Variants in SLC30A10 observed in about 807,000 individuals in gnomAD.
SLC30A10 encodes the protein solute carrier family 30 member 10.
A neutral mutation model predicts 21.7 loss-of-function variants in SLC30A10; 8 were observed. That is an observed-to-expected ratio of 0.37 (90% CI 0.22 to 0.67). SLC30A10 has a LOEUF of 0.67. Among genes scored for constraint, SLC30A10 ranks in the 30% least tolerant of loss-of-function variants. SLC30A10 has a pLI of 0.58. For missense variants in SLC30A10, 521 were observed against 642.5 expected (o/e 0.81, Z 2.04); for synonymous variants, 272 against 279.4 (o/e 0.97, Z 0.26).
intron 1 of SLC30A10, among the ~76,000 whole-genome samples, chr1:219,947,183 T>C (rs181262032): frequency 1.1e-3 from 168 of 152,340 alleles, no homozygotes; most frequent in African/African-American, 3.7e-3. Context: ...AGCTGATACA[T>C]TTTTAAAGAT....
intron 1 of SLC30A10, among the ~76,000 whole-genome samples, chr1:219,954,693 A>C (rs142851591): frequency 6.7e-6 from 1 of 148,654 alleles, no homozygotes; most frequent in Non-Finnish European, 1.5e-5. Flanking sequence ...AAAAAAAAAA[A>C]AAAAAAAAAA....
Position 219,941,603 on chromosome 1 carries a change from CCCTT to C in SLC30A10, n.81-14502_81-14499del, listed in dbSNP as rs780226168. On this transcript the variant is annotated intron_variant and non_coding_transcript_variant, in intron 1 of 8. Coordinates refer to the SLC30A10 transcript ENST00000484239. ...TTCCTCTCTGCCTTCCTCTCTTCTT[CCCTT>C]CCTTCCTTCCTTCTTTCTTTCATTC... Among the ~76,000 whole-genome samples the C allele has an allele frequency of 2.5e-4, 32 of 125,550 alleles. 1 individual carries two copies. The highest frequency in any genetic ancestry group is 5.0e-4 in the South Asian group (2 of 4,020). 82.4% of individuals were successfully genotyped at this position (125,550 alleles called of 152,430 possible).
At chr1:219,958,698 C>T (rs1660383356), upstream of SLC30A10, 2 of 152,668 alleles carry the variant, frequency 1.3e-5, no homozygotes, top group South Asian at 4.1e-4. Flanking sequence ...CCTCTGTCTT[C>T]TGGGGATTGA....
At chr1:219,940,815 G>A (rs1235299586) in intron 1 of SLC30A10, among the ~76,000 whole-genome samples, 2 of 152,172 alleles carry the variant, frequency 1.3e-5, no homozygotes, top group Non-Finnish European at 2.9e-5. Flanking sequence ...GGCCTGGGTC[G>A]ATTTTTGGTT....
At chr1:219,938,401 A>G (rs1694593) in intron 1 of SLC30A10, among the ~76,000 whole-genome samples, 129,515 of 152,204 alleles carry the variant, frequency 0.85, 55,513 homozygotes, top group African/African-American at 0.96. Flanking sequence ...AGGCAGGATC[A>G]CTTCTCTGTC....
At chr1:219,940,639 A>T (rs560711946) in intron 1 of SLC30A10, among the ~76,000 whole-genome samples, 1 of 152,318 alleles carries the variant, frequency 6.6e-6, no homozygotes, top group Admixed American at 6.5e-5. Context: ...TATTTAGGGT[A>T]TTATTAGATG....
chr1:219,928,133 C>T lies in SLC30A10; in HGVS notation c.308G>A (p.Arg103His). The change falls in exon 1 of 4, where the codon CGC (arginine) becomes CAC (histidine). Residue 103 changes from arginine (R) to histidine (H), a missense_variant. By Grantham distance (29) the Arg-to-His change is conservative (BLOSUM62 0). Transcript: ENST00000366926. The surrounding 1 kb of genome is among the most constrained non-coding windows in gnomAD (Gnocchi z 6.3). ...CFTIFVEAVL[R>H]LARPERIDDP... is the part of the protein sequence containing the mutation. ...ATCGATGCGCTCGGGCCGGGCCAGG[C>T]GCAGCACGGCCTCCACGAAGATGGT... 6.4e-7 allele frequency: 1 copy of T among 1,564,036 alleles called. No individual in the cohort carries two copies. The highest frequency in any genetic ancestry group is 8.7e-7 in the Non-Finnish European group (1 of 1,154,868).
Position 219,927,999 on chromosome 1 carries a change from G to T in SLC30A10, c.442C>A (p.Arg148Ser). 1 of 1,558,072 alleles carries T rather than the reference G, an allele frequency of 6.4e-7. No individual in the cohort carries two copies. The highest frequency in any genetic ancestry group is 2.4e-5 in the East Asian group (1 of 40,922). The change falls in exon 1 of 4, where the codon CGC becomes AGC. Residue 148 changes from arginine to serine, a missense_variant. Arg to Ser is a moderately radical substitution (Grantham distance 110). Coordinates refer to ENST00000366926, the MANE Select transcript of SLC30A10 (RefSeq NM_018713.3). ...TGCCGCTGCTGCAGGCGGCGACTGC[G>T]TCCCCGGAGGCAGCACGCGAACCAG... ...AAWFACCLRG[R>S]SRRLQQRQQL...
upstream of SLC30A10, among the ~76,000 whole-genome samples, chr1:219,933,542 C>T (rs1480013097): frequency 1.3e-5 from 2 of 152,118 alleles, no homozygotes; most frequent in Admixed American, 6.5e-5. Flanking sequence ...TCTTTCCTCA[C>T]CTGTGAAATA....
At chr1:219,938,770 G>T (rs1660079237) in intron 1 of SLC30A10, among the ~76,000 whole-genome samples, 1 of 150,674 alleles carries the variant, frequency 6.6e-6, no homozygotes, top group Non-Finnish European at 1.5e-5. Flanking sequence ...TGGTAAGTTG[G>T]CAGGAACCTT....
chr1:219,921,096 T>A (rs1558251506), intron 2 of SLC30A10, among the ~76,000 whole-genome samples: 1 of 152,254 alleles, frequency 6.6e-6, no homozygotes, highest in Non-Finnish European at 1.5e-5. Context: ...CTAATTTTTT[T>A]AACTACTAAA....
Position 219,928,540 on chromosome 1 carries a change from G to T in SLC30A10, c.-100C>A. The T allele has an allele frequency of 8.7e-7, 1 of 1,143,056 alleles. No individual in the cohort carries two copies. Among genetic ancestry groups the T allele is most frequent in the Non-Finnish European group, 1.2e-6 (1 of 861,860 alleles). 70.8% of individuals were successfully genotyped at this position (1,143,056 alleles called of 1,614,324 possible). A position where few individuals can be genotyped will look rare whatever the true frequency, so the allele number is the denominator to read the frequency against. On this transcript the variant is annotated 5_prime_UTR_variant, in exon 1 of 4. Coordinates refer to ENST00000366926, the MANE Select transcript of SLC30A10 (RefSeq NM_018713.3). This position sits in a 1 kb window ranked among gnomAD's most constrained non-coding sequence, Gnocchi z 6.3. ...GCGCGGCGCGGATCCGTGAGGCCCG[G>T]TACCCGCCTCCCAGATTGTCTCGCC... is the stretch of plus-strand genomic sequence containing the variant.
chr1:219,948,686 A>G (rs56080234), intron 1 of SLC30A10, among the ~76,000 whole-genome samples: 1 of 152,000 alleles, frequency 6.6e-6, no homozygotes, highest in Non-Finnish European at 1.5e-5. Flanking sequence ...CATTACCATT[A>G]AGGACATAGG....
At chr1:219,935,104 A>C (rs1204222082) in intron 1 of SLC30A10, among the ~76,000 whole-genome samples, 1 of 152,142 alleles carries the variant, frequency 6.6e-6, no homozygotes. Flanking sequence ...TGAGGGGGAA[A>C]AATCAGCTTT....
chr1:219,949,680 G>T (rs1483724226), intron 1 of SLC30A10, among the ~76,000 whole-genome samples: 1 of 151,586 alleles, frequency 6.6e-6, no homozygotes, highest in Non-Finnish European at 1.5e-5. Context: ...CAGCACACCA[G>T]CACGACACAT....
At chr1:219,927,765 G>A in intron 1 of SLC30A10, 36 bp downstream of exon 1, 2 of 1,462,724 alleles carry the variant, frequency 1.4e-6, no homozygotes, top group African/African-American at 1.5e-5. Context: ...GAGGAAGGAA[G>A]GGCCAAGCGG....
At chr1:219,943,289 A>G (rs78797284) in intron 1 of SLC30A10, among the ~76,000 whole-genome samples, 1,785 of 152,242 alleles carry the variant, frequency 0.012, 39 homozygotes, top group African/African-American at 0.041. Flanking sequence ...AACTCAATAG[A>G]AGGTGCCCCT....
At position 219,912,170 on chromosome 1, in the gene SLC30A10, CA is replaced by C. The variant is rs59792236; in HGVS notation, c.*3278del. ...CCACTGGAATTTGCTCTACCAATGG[CA>C]AAAAAAAAAAAAAAAAAAAAAAAAA... On this transcript the variant is annotated 3_prime_UTR_variant, in exon 4 of 4. Coordinates refer to ENST00000366926, the MANE Select transcript of SLC30A10 (RefSeq NM_018713.3). 0.15 allele frequency among the ~76,000 whole-genome samples: 10,918 copies of C among 73,444 alleles called. 134 individuals carry two copies. Among genetic ancestry groups the C allele is most frequent in the Non-Finnish European group, 0.19 (7,443 of 39,160 alleles). The allele number at this position is 73,444 out of a possible 152,430, so 48.2% of individuals were successfully genotyped here.
At chr1:219,947,326 C>T (rs189818721) in intron 1 of SLC30A10, among the ~76,000 whole-genome samples, 3 of 152,066 alleles carry the variant, frequency 2.0e-5, no homozygotes, top group East Asian at 1.9e-4. Flanking sequence ...GGCAGGAGTT[C>T]GAGATCAGCT....
Sources: allele counts gnomAD v4.1 joint callset (sites outside exome capture counted in the v4.1 genomes callset), GRCh38; gene constraint gnomAD v4.1.1; non-coding constraint Gnocchi (gnomAD v3.1); transcripts MANE v1.5; gene names NCBI Gene and HGNC (gene_info 2026-07-23, HGNC 2026-07-21).